Variants in KDM2B observed in about 807,000 individuals in gnomAD.
KDM2B encodes the protein lysine demethylase 2B, also known as lysine-specific demethylase 2B.
Under a neutral mutation model 150.0 loss-of-function variants are expected in KDM2B, and 26 were observed. The ratio of observed to expected loss-of-function variants is 0.17; its 90% CI spans 0.13 to 0.24. KDM2B has a LOEUF of 0.24. Ranked by LOEUF, KDM2B falls within the 10% of genes least tolerant of loss-of-function variation. KDM2B has a pLI of 1.00. For missense variants in KDM2B, 1,265 were observed against 1,816.9 expected (o/e 0.70, Z 5.52); for synonymous variants, 734 against 729.5 (o/e 1.01, Z -0.10).
chr12:121,417,450 A>T, the KDM2B span: 19 of 1,479,982 alleles, frequency 1.3e-5, no homozygotes, highest in Admixed American at 3.0e-4. The surrounding 1 kb of genome is among the most constrained non-coding windows in gnomAD (Gnocchi z 5.0). Flanking sequence ...AAGAAAACTC[A>T]TGCTTTCATA....
At chr12:121,440,246 C>T (rs1290355171) in intron 21 of KDM2B, 171 bp from the exon 22 acceptor site, 6 of 606,026 alleles carry the variant, frequency 9.9e-6, no homozygotes, top group African/African-American at 9.3e-5. Context: ...TCAGACTCCA[C>T]ATCAAAACTT....
intron 10 of KDM2B, among the ~76,000 whole-genome samples, chr12:121,511,149 T>A (rs1885550035): frequency 6.6e-6 from 1 of 151,764 alleles, no homozygotes; most frequent in African/African-American, 2.4e-5. Flanking sequence ...TAGCTGAGAT[T>A]ACAGGTGAAC....
chr12:121,571,093 C>T (rs1308748861), intron 4 of KDM2B, among the ~76,000 whole-genome samples: 10 of 152,152 alleles, frequency 6.6e-5, no homozygotes, highest in Non-Finnish European at 1.5e-4. Flanking sequence ...CACAAAGGAT[C>T]GTGTGTTCTA....
Position 121,580,816 on chromosome 12 carries a change from TGTATATATAA to T in KDM2B, c.86_95del (p.Val29GlufsTer75), listed in dbSNP as rs1891922929. On this transcript the variant is annotated frameshift_variant, in exon 1 of 23. Coordinates refer to ENST00000377071, the MANE Select transcript of KDM2B (RefSeq NM_032590.5). LOFTEE classifies it high-confidence loss of function. ...TGGCCGACTCAAATTCAAAGCATTT[TGTATATATAA>T]CTGTTTTCTTTTTTTGCTTTTCTGC... 1.2e-6 allele frequency: 2 copies of T among 1,613,944 alleles called. No homozygotes were observed. Among genetic ancestry groups the T allele is most frequent in the Middle Eastern group, 1.7e-4 (1 of 6,060 alleles).
chr12:121,482,633 C>T (rs1307999231), intron 12 of KDM2B, among the ~76,000 whole-genome samples: 3 of 152,020 alleles, frequency 2.0e-5, no homozygotes, highest in African/African-American at 7.2e-5. Flanking sequence ...ATTCATTTAA[C>T]ATCTGGCGGG....
At chr12:121,576,357 G>A (rs1891490836) in intron 2 of KDM2B, among the ~76,000 whole-genome samples, 1 of 152,134 alleles carries the variant, frequency 6.6e-6, no homozygotes, top group African/African-American at 2.4e-5. Flanking sequence ...AAATCTTATT[G>A]TAATATCCTG....
At chr12:121,573,126 ATT>A (rs561026873) in intron 4 of KDM2B, among the ~76,000 whole-genome samples, 15 of 134,394 alleles carry the variant, frequency 1.1e-4, no homozygotes, top group South Asian at 9.7e-4. Flanking sequence ...GCCCGGCCTA[ATT>A]TTTTTTTTTT....
At chr12:121,441,729 A>T (rs1172811046) in intron 19 of KDM2B, among the ~76,000 whole-genome samples, 1 of 152,194 alleles carries the variant, frequency 6.6e-6, no homozygotes, top group East Asian at 1.9e-4. Context: ...CCCGGCCTCC[A>T]TCAAGTATTT....
intron 1 of KDM2B, chr12:121,579,794 A>G: frequency 8.3e-7 from 1 of 1,198,838 alleles, no homozygotes; most frequent in Non-Finnish European, 1.1e-6. Context: ...CCCCGATACC[A>G]CCTCCCCACT....
At chr12:121,487,850 C>T (rs1206961796) in intron 12 of KDM2B, among the ~76,000 whole-genome samples, 1 of 149,718 alleles carries the variant, frequency 6.7e-6, no homozygotes, top group East Asian at 2.0e-4. Context: ...GTCGCGATCT[C>T]GGCTCACTGC....
rs1187768019 is a variant in KDM2B, at chr12:121,533,931, C to T, written c.777+566G>A. Among the ~76,000 whole-genome samples the T allele has an allele frequency of 1.3e-5, 2 of 152,192 alleles. No individual in the cohort carries two copies. Among genetic ancestry groups the T allele is most frequent in the African/African-American group, 4.8e-5 (2 of 41,466 alleles). On this transcript the variant is annotated intron_variant, in intron 7 of 22. Coordinates refer to ENST00000377071, the MANE Select transcript of KDM2B (RefSeq NM_032590.5). The surrounding 1 kb of genome is among the most constrained non-coding windows in gnomAD (Gnocchi z 4.1). Reference sequence around the variant, plus strand: ...GGACTTTGAGAACAAGTCCCAGCTACTCGAGAGCTGAGGTGGGAAGATCGC... The same window carrying T: ...GGACTTTGAGAACAAGTCCCAGCTATTCGAGAGCTGAGGTGGGAAGATCGC...
rs1417974659 is a variant in KDM2B at position 121,518,461 on chromosome 12, C to A, written c.1047+2524G>T. Among the ~76,000 whole-genome samples the A allele has an allele frequency of 6.6e-6, 1 of 152,232 alleles. No individual in the cohort carries two copies. The highest frequency in any genetic ancestry group is 1.5e-5 in the Non-Finnish European group (1 of 68,044). On this transcript the variant is annotated intron_variant, in intron 9 of 22. Coordinates refer to ENST00000377071, the MANE Select transcript of KDM2B (RefSeq NM_032590.5). This position sits in a 1 kb window ranked among gnomAD's most constrained non-coding sequence, Gnocchi z 4.4. ...CTGCCCCCAAGCCCCCGCTGCCAGCCTGCTTCGGTGAAACCAGATGGGGTG... is the reference window on the plus strand; with the variant it reads ...CTGCCCCCAAGCCCCCGCTGCCAGCATGCTTCGGTGAAACCAGATGGGGTG...
intron 22 of KDM2B, among the ~76,000 whole-genome samples, chr12:121,438,469 C>G (rs1874379182): frequency 6.6e-6 from 1 of 152,138 alleles, no homozygotes; most frequent in Non-Finnish European, 1.5e-5. Flanking sequence ...AAAATGCCAG[C>G]ACTTAGAGTA....
intron 12 of KDM2B, among the ~76,000 whole-genome samples, chr12:121,461,365 A>C (rs1555293737): frequency 6.6e-6 from 1 of 152,202 alleles, no homozygotes; most frequent in Non-Finnish European, 1.5e-5. Flanking sequence ...CATCACAGTA[A>C]GTTAAAGGCT....
intron 6 of KDM2B, chr12:121,535,988 C>T (rs1888057719): frequency 2.1e-6 from 2 of 937,998 alleles, no homozygotes; most frequent in South Asian, 4.9e-5. Context: ...TTGGCACCTC[C>T]GGAGCCCGCA....
Position 121,467,085 on chromosome 12 carries a change from C to A in KDM2B, c.1735-13741G>T. The A allele has an allele frequency of 1.1e-6, 1 of 936,162 alleles. No individual in the cohort carries two copies. The highest frequency in any genetic ancestry group is 1.3e-6 in the Non-Finnish European group (1 of 748,680). 58.0% of individuals were successfully genotyped at this position (936,162 alleles called of 1,614,324 possible). ...CGGCGGCGGCGGCGTCGCGGCCGCC[C>A]TCGGCGCGTCAGACAGGCGGTCGGG... On this transcript the variant is annotated intron_variant, in intron 12 of 22. Coordinates refer to ENST00000377071, the MANE Select transcript of KDM2B (RefSeq NM_032590.5). The surrounding 1 kb of genome is among the most constrained non-coding windows in gnomAD (Gnocchi z 5.1).
intron 12 of KDM2B, among the ~76,000 whole-genome samples, chr12:121,471,205 C>G (rs1378482923): frequency 1.3e-5 from 2 of 152,118 alleles, no homozygotes; most frequent in Non-Finnish European, 2.9e-5. Context: ...TCCGTCTGAC[C>G]TCATCTTCTA....
chr12:121,481,612 C>T (rs1555297874), intron 12 of KDM2B, among the ~76,000 whole-genome samples: 1 of 152,094 alleles, frequency 6.6e-6, no homozygotes, highest in Non-Finnish European at 1.5e-5. Context: ...GTGGGAAATA[C>T]ACAAAGTCTA....
Position 121,513,723 on chromosome 12 carries a change from A to T in KDM2B, c.1048-321T>A, listed in dbSNP as rs571429504. On this transcript the variant is annotated intron_variant, in intron 9 of 22. Transcript: ENST00000377071. This position sits in a 1 kb window ranked among gnomAD's most constrained non-coding sequence, Gnocchi z 5.0. ...ATTCTCCCCTGACCTGCCTGCAGAG[A>T]GTGTGGGCACCTGCAGGTGGGAGCC... Among the ~76,000 whole-genome samples, 4 of 152,024 alleles carry T rather than the reference A, an allele frequency of 2.6e-5. No individual in the cohort carries two copies. The highest frequency in any genetic ancestry group is 4.1e-4 in the South Asian group (2 of 4,826).
Sources: allele counts gnomAD v4.1 joint callset (sites outside exome capture counted in the v4.1 genomes callset), GRCh38; gene constraint gnomAD v4.1.1; non-coding constraint Gnocchi (gnomAD v3.1); transcripts MANE v1.5; gene names NCBI Gene and HGNC (gene_info 2026-07-23, HGNC 2026-07-21).